Variants in E2F7 observed in about 807,000 individuals in gnomAD.
The protein encoded by E2F7 is E2F transcription factor 7.
A neutral mutation model predicts 81.1 loss-of-function variants in E2F7; 35 were observed. The observed-to-expected ratio is 0.43, with a 90% CI of 0.33 to 0.57. E2F7 has a LOEUF of 0.57. Among genes scored for constraint, E2F7 ranks in the 20% least tolerant of loss-of-function variants. E2F7 has a pLI of 0.04. For missense variants in E2F7, 961 were observed against 1,093.7 expected (o/e 0.88, Z 1.71); for synonymous variants, 416 against 416.2 (o/e 1.00, Z 0.01).
At chr12:77,038,715 C>CA (rs1689574583) in intron 7 of E2F7, among the ~76,000 whole-genome samples, 1 of 151,992 alleles carries the variant, frequency 6.6e-6, no homozygotes, top group African/African-American at 2.4e-5. Flanking sequence ...AATAAGAACT[C>CA]AAAGTTAACT....
At chr12:77,063,473 C>G (rs1349679462) in intron 2 of E2F7, among the ~76,000 whole-genome samples, 1 of 152,128 alleles carries the variant, frequency 6.6e-6, no homozygotes, top group Non-Finnish European at 1.5e-5. Flanking sequence ...GGAAAAGGCA[C>G]TAAATTTGGG....
intron 3 of E2F7, among the ~76,000 whole-genome samples, chr12:77,053,506 A>C (rs1452022750): frequency 6.6e-6 from 1 of 152,184 alleles, no homozygotes; most frequent in African/African-American, 2.4e-5. Flanking sequence ...TATGAAAAAC[A>C]GTTTTGACCT....
Position 77,033,935 on chromosome 12 carries a change from A to G in E2F7, c.1231T>C (p.Phe411Leu), listed in dbSNP as rs201040155. 47 of 1,614,232 alleles carry G rather than the reference A, an allele frequency of 2.9e-5. No individual in the cohort carries two copies. The African/African-American group carries it at 6.3e-4, about 22-fold the overall frequency. The change falls in exon 8 of 13, where the codon TTT (phenylalanine) becomes CTT (leucine). Residue 411 changes from phenylalanine to leucine, a missense_variant. This residue lies in a region of E2F7 where 587 missense variants were observed against 620.3 expected (regional missense o/e 0.95). Coordinates refer to ENST00000322886, the MANE Select transcript of E2F7 (RefSeq NM_203394.3). The part of the protein sequence containing the change: ...AKQKLARHGS[F>L]NTVQASERIQ... ...CTCTCAGAAGCCTGAACTGTGTTAAAAGAACCATGGCGAGCCAGCTTCTGT... is the reference window on the plus strand; with the variant it reads ...CTCTCAGAAGCCTGAACTGTGTTAAGAGAACCATGGCGAGCCAGCTTCTGT...
Position 77,024,106 on chromosome 12 carries a change from T to A in E2F7, c.2645A>T (p.Asp882Val), listed in dbSNP as rs1425167571. ...TFFKTPGSLG[D>V]PVLKRRERNQ... The stretch of plus-strand genomic sequence containing the variant: ...CCTTTCTCTTCTCTTCAGGACAGGG[T>A]CTCCAAGGCTGCCGGGTGTCTTGAA... The change falls in exon 13 of 13, where the codon GAC (aspartate) becomes GTC (valine). Residue 882 changes from aspartate to valine, a missense_variant. Asp to Val is a radical substitution (Grantham distance 152, BLOSUM62 -3). Transcript: ENST00000322886. 1 of 1,613,778 alleles carries A rather than the reference T, an allele frequency of 6.2e-7. No individual in the cohort carries two copies. Among genetic ancestry groups the A allele is most frequent in the Non-Finnish European group, 8.5e-7 (1 of 1,179,980 alleles).
intron 10 of E2F7, among the ~76,000 whole-genome samples, chr12:77,029,495 A>T (rs1407331518): frequency 6.6e-6 from 1 of 152,206 alleles, no homozygotes; most frequent in Non-Finnish European, 1.5e-5. Context: ...TATTTCAGTG[A>T]TCCTAATTTG....
intron 3 of E2F7, among the ~76,000 whole-genome samples, chr12:77,054,712 C>A (rs548120957): frequency 2.0e-5 from 3 of 152,054 alleles, no homozygotes; most frequent in African/African-American, 2.4e-5. Context: ...TGTTACCTTG[C>A]GAAAGAGGTC....
At position 77,033,152 on chromosome 12, in the gene E2F7, A is replaced by ACG. The variant is rs1954819802; in HGVS notation, c.1310-31_1310-30insCG. 4.4e-6 allele frequency: 7 copies of ACG among 1,596,194 alleles called. No homozygotes were observed. The East Asian group carries it at 1.6e-4, about 36-fold the overall frequency. On this transcript the variant is annotated intron_variant, in intron 8 of 12. Coordinates refer to ENST00000322886, the MANE Select transcript of E2F7 (RefSeq NM_203394.3). ...AAAGGAAGATGAAGGCTTAACAAAT[A>ACG]TAGCAAGAGACTTATACATACCAAC...
chr12:77,032,946 G>C, intron 9 of E2F7, 104 bp downstream of exon 9: 1 of 1,003,416 alleles, frequency 1.0e-6, no homozygotes, highest in South Asian at 1.6e-5. Context: ...ACAAATAAAC[G>C]GCTGACCTAA....
chr12:77,035,867 A>G (rs912864919), intron 7 of E2F7, among the ~76,000 whole-genome samples: 1 of 150,968 alleles, frequency 6.6e-6, no homozygotes, highest in Non-Finnish European at 1.5e-5. Flanking sequence ...AGAGACATCA[A>G]AAATATAAAG....
rs1413623148 is a variant in E2F7 at position 77,050,644 on chromosome 12, C to A, written c.470G>T (p.Arg157Leu). The A allele has an allele frequency of 6.2e-7, 1 of 1,614,018 alleles. No individual in the cohort carries two copies. Among genetic ancestry groups the A allele is most frequent in the Non-Finnish European group, 8.5e-7 (1 of 1,179,946 alleles). Reference protein sequence around the residue: ...LGLLCQKFLARYPSYPLSTEK... With the variant: ...LGLLCQKFLALYPSYPLSTEK... ...AGTTGACAAGGGATAACTTGGATAGCGAGCTAGAAACTTCTGGCACAGGAG... is the reference window on the plus strand; with the variant it reads ...AGTTGACAAGGGATAACTTGGATAGAGAGCTAGAAACTTCTGGCACAGGAG... The change falls in exon 4 of 13, where the codon CGC becomes CTC. Residue 157 changes from arginine to leucine, a missense_variant. Arg to Leu is a moderately radical substitution (Grantham distance 102). Around this residue, in one of 3 missense-constraint regions of E2F7, gnomAD observed 301 missense variants for 405.0 expected, o/e 0.74. Transcript: ENST00000322886.
At chr12:77,042,622 T>G (rs1954902618) in intron 7 of E2F7, among the ~76,000 whole-genome samples, 1 of 152,206 alleles carries the variant, frequency 6.6e-6, no homozygotes, top group Non-Finnish European at 1.5e-5. Context: ...AACCACATCT[T>G]TAGATGTAAT....
Position 77,025,842 on chromosome 12 carries a change from A to T in E2F7, c.2281T>A (p.Ser761Thr), listed in dbSNP as rs1300532408. The change falls in exon 12 of 13, where the codon TCT (serine) becomes ACT (threonine). Residue 761 changes from serine (S) to threonine (T), a missense_variant. This residue lies in a region of E2F7 where 587 missense variants were observed against 620.3 expected (regional missense o/e 0.95). Coordinates refer to ENST00000322886, the MANE Select transcript of E2F7 (RefSeq NM_203394.3). Reference protein sequence around the residue: ...PPLGPFPVLYSPAMPGPVSST... With the variant: ...PPLGPFPVLYTPAMPGPVSST... ...GAAACCGGGCCCGGCATTGCAGGAG[A>T]ATAGAGAACAGGAAAAGGGCCCAGA... 6.2e-7 allele frequency: 1 copy of T among 1,613,976 alleles called. No individual in the cohort carries two copies. Among genetic ancestry groups the T allele is most frequent in the Admixed American group, 1.7e-5 (1 of 59,992 alleles).
At chr12:77,049,245 T>C (rs1954966560) in intron 4 of E2F7, among the ~76,000 whole-genome samples, 1 of 152,186 alleles carries the variant, frequency 6.6e-6, no homozygotes. Flanking sequence ...TTTTTGATGT[T>C]CAGTTGGCTC....
chr12:77,054,768 C>CA (rs34363599), intron 3 of E2F7, among the ~76,000 whole-genome samples: 68 of 151,962 alleles, frequency 4.5e-4, no homozygotes, highest in Non-Finnish European at 8.2e-4. Flanking sequence ...ATATTTTTGT[C>CA]AAAAAAATTA....
intron 4 of E2F7, among the ~76,000 whole-genome samples, chr12:77,049,360 A>G (rs1449848573): frequency 1.3e-5 from 2 of 152,152 alleles, no homozygotes; most frequent in Non-Finnish European, 2.9e-5. Flanking sequence ...CTCTTCCTAT[A>G]GAGATGGACA....
rs1399056312 is a variant in E2F7 at position 77,030,280 on chromosome 12, G to T, written c.1435C>A (p.Pro479Thr). The T allele has an allele frequency of 3.1e-6, 5 of 1,589,446 alleles. No homozygotes were observed. The highest frequency in any genetic ancestry group is 2.7e-5 in the African/African-American group (2 of 74,252). ...RVVPPSSSLD[P>T]VAPFPVLSVD... ...GAGAGGACAGGGAAAGGAGCAACAG[G>T]GTCCAAGCTGCTTGATGGAGGCACC... The change falls in exon 10 of 13, where the codon CCT becomes ACT. Residue 479 changes from proline to threonine, a missense_variant. Physicochemically the swap from Pro to Thr is conservative, Grantham distance 38. Around this residue, in one of 3 missense-constraint regions of E2F7, gnomAD observed 587 missense variants for 620.3 expected, o/e 0.95. Transcript: ENST00000322886.
At chr12:77,034,254 A>T (rs1954830930) in intron 7 of E2F7, among the ~76,000 whole-genome samples, 2 of 152,202 alleles carry the variant, frequency 1.3e-5, no homozygotes, top group African/African-American at 2.4e-5. Context: ...GATGACTATA[A>T]AATGAGATTG....
intron 2 of E2F7, among the ~76,000 whole-genome samples, chr12:77,058,394 A>G (rs1393602917): frequency 6.6e-6 from 1 of 152,172 alleles, no homozygotes; most frequent in Non-Finnish European, 1.5e-5. Context: ...GTGTAAAATC[A>G]TCGGTATGCA....
intron 12 of E2F7, 46 bp from the exon 13 acceptor site, chr12:77,024,231 C>T: frequency 6.3e-7 from 1 of 1,575,456 alleles, no homozygotes; most frequent in South Asian, 1.2e-5. Context: ...CATATTGTTT[C>T]TGATCTCTGA....
Sources: allele counts gnomAD v4.1 joint callset (sites outside exome capture counted in the v4.1 genomes callset), GRCh38; gene constraint gnomAD v4.1.1; regional missense constraint gnomAD v4.1.1; transcripts MANE v1.5; gene names NCBI Gene and HGNC (gene_info 2026-07-23, HGNC 2026-07-21).